TECPR1: variants seen among roughly 807,000 people sequenced by gnomAD.
TECPR1 encodes tectonin beta-propeller repeat-containing protein 1.
A neutral mutation model predicts 162.4 loss-of-function variants in TECPR1; 122 were observed. The ratio of observed to expected loss-of-function variants is 0.75; its 90% CI spans 0.65 to 0.87. The LOEUF (loss-of-function observed/expected upper bound fraction) is 0.87, where lower values mean the gene tolerates loss of function less well. TECPR1 is among the 40% of genes least tolerant of loss of function. TECPR1 has a pLI of 0.00. For missense variants in TECPR1, 1,432 were observed against 1,618.2 expected (o/e 0.88, Z 1.97); for synonymous variants, 642 against 670.6 (o/e 0.96, Z 0.66).
At position 98,244,371 on chromosome 7, in the gene TECPR1, G is replaced by C. The variant is rs529870755; in HGVS notation, c.531+200C>G. Among the ~76,000 whole-genome samples, 5 of 152,342 alleles carry C rather than the reference G, an allele frequency of 3.3e-5. No individual in the cohort carries two copies. The East Asian group carries it at 9.7e-4, about 29-fold the overall frequency. ...TCTGTGCTGTCCTGGGCCTGGCCTG[G>C]CTCCCTGTGTGACTATCTCCCAAGT... is the stretch of plus-strand genomic sequence containing the variant. On this transcript the variant is annotated intron_variant, in intron 5 of 25. Coordinates refer to ENST00000447648, the MANE Select transcript of TECPR1 (RefSeq NM_015395.3).
At chr7:98,238,688 A>G (rs1195105318) in intron 8 of TECPR1, 78 bp from the exon 9 acceptor site, 1 of 1,163,598 alleles carries the variant, frequency 8.6e-7, no homozygotes, top group African/African-American at 1.5e-5. Context: ...CCTCAGGGAG[A>G]ACAAGTGAAT....
At chr7:98,239,625 G>T (rs187170205) in intron 8 of TECPR1, among the ~76,000 whole-genome samples, 1 of 152,286 alleles carries the variant, frequency 6.6e-6, no homozygotes, top group South Asian at 2.1e-4. Flanking sequence ...ATGGCTGTAA[G>T]AGGGGCTTGG....
chr7:98,235,222 C>T (rs1461519054), intron 10 of TECPR1, among the ~76,000 whole-genome samples: 1 of 152,128 alleles, frequency 6.6e-6, no homozygotes, highest in East Asian at 1.9e-4. Flanking sequence ...ATGTGCTTTC[C>T]AGTTTAAGAA....
chr7:98,223,870 G>A (rs918286435), intron 19 of TECPR1, 152 bp from the exon 20 acceptor site: 3 of 786,252 alleles, frequency 3.8e-6, no homozygotes, highest in South Asian at 1.7e-5. Flanking sequence ...GTCACCACGC[G>A]CGGCTCTCAG....
intron 8 of TECPR1, among the ~76,000 whole-genome samples, chr7:98,239,776 T>TC (rs1173461561): frequency 6.6e-6 from 1 of 151,458 alleles, no homozygotes; most frequent in Non-Finnish European, 1.5e-5. Flanking sequence ...GGGCCGTCCA[T>TC]CCCCCGGGCC....
chr7:98,246,327 C>T (rs1211717749), intron 2 of TECPR1, among the ~76,000 whole-genome samples, 162 bp from the exon 3 acceptor site: 6 of 150,624 alleles, frequency 4.0e-5, no homozygotes, highest in Admixed American at 4.0e-4. Context: ...AGTGCAGTGG[C>T]GCAATCTTGG....
At chr7:98,225,220 TC>T in intron 17 of TECPR1, 118 bp from the exon 18 acceptor site, 1 of 920,510 alleles carries the variant, frequency 1.1e-6, no homozygotes, top group African/African-American at 1.7e-5. Context: ...GCCAGCCACC[TC>T]CAGGCACTCG....
chr7:98,225,108 G>A lies in TECPR1; in HGVS notation c.2514-6C>T. Reference sequence around the variant, plus strand: ...ACCGGTCCGTGGGCAGACCCCTGCGGCAGGACAACAGGGCAGGTGACGAGG... The same window carrying A: ...ACCGGTCCGTGGGCAGACCCCTGCGACAGGACAACAGGGCAGGTGACGAGG... On this transcript the variant is annotated splice_polypyrimidine_tract_variant and splice_region_variant and intron_variant, in intron 17 of 25. Coordinates refer to ENST00000447648, the MANE Select transcript of TECPR1 (RefSeq NM_015395.3). The A allele has an allele frequency of 6.4e-7, 1 of 1,564,002 alleles. No homozygotes were observed. The highest frequency in any genetic ancestry group is 1.2e-5 in the South Asian group (1 of 84,652).
chr7:98,246,561 G>A (rs1349115091), intron 2 of TECPR1, among the ~76,000 whole-genome samples: 4 of 151,472 alleles, frequency 2.6e-5, no homozygotes, highest in Non-Finnish European at 5.9e-5. Flanking sequence ...CACCGCGCGT[G>A]GCCAACTGCT....
At chr7:98,224,768 C>T (rs760931535) in intron 19 of TECPR1, 33 bp downstream of exon 19, 1 of 1,553,660 alleles carries the variant, frequency 6.4e-7, no homozygotes, top group Admixed American at 1.9e-5. Flanking sequence ...ATTCAGGACC[C>T]AGCCCGAAGG....
At chr7:98,247,895 A>T (rs1264037541) in intron 2 of TECPR1, among the ~76,000 whole-genome samples, 6 of 151,660 alleles carry the variant, frequency 4.0e-5, no homozygotes, top group Non-Finnish European at 7.4e-5. Flanking sequence ...GCTAATTTTT[A>T]AAATTTTTTT....
At chr7:98,228,653 A>G (rs1268235993) in intron 16 of TECPR1, 1 of 215,330 alleles carries the variant, frequency 4.6e-6, no homozygotes, top group African/African-American at 2.2e-5. Flanking sequence ...GCGGCCTGGA[A>G]CGCCCCGTTT....
At chr7:98,218,765 TG>T (rs1428182389) in intron 23 of TECPR1, among the ~76,000 whole-genome samples, 1 of 152,142 alleles carries the variant, frequency 6.6e-6, no homozygotes, top group Non-Finnish European at 1.5e-5. Context: ...TTGATGAGTA[TG>T]GGATGAATCA....
intron 5 of TECPR1, 111 bp from the exon 6 acceptor site, chr7:98,243,703 C>A: frequency 7.2e-7 from 1 of 1,379,868 alleles, no homozygotes; most frequent in Non-Finnish European, 9.7e-7. Context: ...GCCCAGCCTG[C>A]AGCTGCCTTA....
At chr7:98,231,766 C>T in intron 13 of TECPR1, 38 bp downstream of exon 13, 1 of 1,596,302 alleles carries the variant, frequency 6.3e-7, no homozygotes, top group Non-Finnish European at 8.6e-7. Flanking sequence ...GCCCTGTGTC[C>T]CCTCCCTGGC....
intron 13 of TECPR1, 91 bp downstream of exon 13, chr7:98,231,684 TCCCTGGGCACCCTCATTTCTGTACCCCTC>T (rs1235668606): frequency 1.1e-5 from 11 of 979,508 alleles, no homozygotes; most frequent in African/African-American, 2.4e-5. Context: ...TCTGTGTCCC[TCCCTGGGCACCCTCATTTCTGTACCCCTC>T]CCCTGGGCAC....
At chr7:98,246,189 G>C (rs1394011319) in intron 2 of TECPR1, 24 bp from the exon 3 acceptor site, 2 of 1,483,160 alleles carry the variant, frequency 1.3e-6, no homozygotes, top group Non-Finnish European at 1.8e-6. Flanking sequence ...ACGAGGGCCA[G>C]CGTTCAGGCT....
In TECPR1 at chr7:98,236,443, G is replaced by A. The variant is rs977328060; in HGVS notation, c.1181+333C>T. 4.0e-5 allele frequency among the ~76,000 whole-genome samples: 6 copies of A among 151,786 alleles called. No homozygotes were observed. The East Asian group carries it at 9.7e-4, about 25-fold the overall frequency. ...GTTTCTGCCCCAGATCTTCAGCCTCGGACCCAATGGGACAACCCAGCTCAG... is the reference window on the plus strand; with the variant it reads ...GTTTCTGCCCCAGATCTTCAGCCTCAGACCCAATGGGACAACCCAGCTCAG... On this transcript the variant is annotated intron_variant, in intron 10 of 25. Coordinates refer to ENST00000447648, the MANE Select transcript of TECPR1 (RefSeq NM_015395.3).
At chr7:98,231,624 C>G (rs919944634) in intron 13 of TECPR1, 180 bp downstream of exon 13, 4 of 799,378 alleles carry the variant, frequency 5.0e-6, no homozygotes, top group Admixed American at 6.0e-5. Flanking sequence ...TTCTGTACCC[C>G]CTTCCCCGGG....
Sources: allele counts gnomAD v4.1 joint callset (sites outside exome capture counted in the v4.1 genomes callset), GRCh38; gene constraint gnomAD v4.1.1; transcripts MANE v1.5; gene names NCBI Gene and HGNC (gene_info 2026-07-23, HGNC 2026-07-21).